The following BPI variants were observed in gnomAD, a reference collection of about 807,000 sequenced individuals.
BPI encodes the protein bactericidal permeability increasing protein.
Under a neutral mutation model 57.6 loss-of-function variants are expected in BPI, and 48 were observed. The ratio of observed to expected loss-of-function variants is 0.83; its 90% CI spans 0.66 to 1.06. BPI has a LOEUF of 1.06. Among genes scored for constraint, BPI ranks in the 50% least tolerant of loss-of-function variants. BPI has a pLI of 0.00. For missense variants in BPI, 651 were observed against 609.7 expected (o/e 1.07, Z -0.71); for synonymous variants, 237 against 238.2 (o/e 0.99, Z 0.05).
At chr20:38,335,494 C>G in intron 13 of BPI, 104 bp from the exon 14 acceptor site, 1 of 1,027,000 alleles carries the variant, frequency 9.7e-7, no homozygotes, top group Non-Finnish European at 1.5e-6. Flanking sequence ...TAGGGCCAGG[C>G]ATGCTGGTTC....
At chr20:38,306,459 C>A (rs369894942) in intron 1 of BPI, among the ~76,000 whole-genome samples, 25 of 152,314 alleles carry the variant, frequency 1.6e-4, no homozygotes, top group African/African-American at 5.5e-4. Context: ...GAGAGACATT[C>A]GTCAGAGTCA....
chr20:38,330,184 T>A (rs2076735291), intron 11 of BPI, among the ~76,000 whole-genome samples: 1 of 152,072 alleles, frequency 6.6e-6, no homozygotes, highest in South Asian at 2.1e-4. Context: ...TGAGCTGTGA[T>A]TTTGCTGTGT....
intron 6 of BPI, among the ~76,000 whole-genome samples, chr20:38,318,919 T>G (rs1236153680): frequency 1.3e-5 from 2 of 152,118 alleles, no homozygotes; most frequent in African/African-American, 2.4e-5. Context: ...AACACTCCCC[T>G]GAGAGAGGCA....
At chr20:38,326,795 A>G (rs914269101) in intron 10 of BPI, among the ~76,000 whole-genome samples, 1 of 152,132 alleles carries the variant, frequency 6.6e-6, no homozygotes, top group Admixed American at 6.5e-5. Flanking sequence ...TTATTAATTC[A>G]TTCAGTTATT....
At chr20:38,329,572 G>A (rs1238151489) in intron 11 of BPI, among the ~76,000 whole-genome samples, 2 of 152,182 alleles carry the variant, frequency 1.3e-5, no homozygotes, top group East Asian at 3.9e-4. Flanking sequence ...GCAGGGGATG[G>A]GGATAGGGTA....
rs769068967 is a variant in BPI, at chr20:38,324,770, A to G, written c.934-4A>G. On this transcript the variant is annotated splice_polypyrimidine_tract_variant and splice_region_variant and intron_variant, in intron 8 of 14. Transcript: ENST00000642449. ...CGAGATCCTTTTCTCATCTCTTGCT[A>G]CAGATTCCAAAGGAGTCCAAATTTC... The G allele has an allele frequency of 2.5e-6, 4 of 1,609,530 alleles. No individual in the cohort carries two copies. Among genetic ancestry groups the G allele is most frequent in the Non-Finnish European group, 3.4e-6 (4 of 1,175,964 alleles).
intron 11 of BPI, 149 bp from the exon 12 acceptor site, chr20:38,330,899 T>A: frequency 1.2e-6 from 1 of 846,746 alleles, no homozygotes; most frequent in East Asian, 2.5e-5. Context: ...AAAGGCAACA[T>A]CGGGGGGCTG....
intron 5 of BPI, chr20:38,317,554 G>A: frequency 1.5e-6 from 1 of 675,298 alleles, no homozygotes; most frequent in East Asian, 2.7e-5. Context: ...GTAGCATTGA[G>A]TGGGTTCTGC....
intron 5 of BPI, among the ~76,000 whole-genome samples, chr20:38,314,418 A>T (rs2076639835): frequency 7.2e-6 from 1 of 138,486 alleles, no homozygotes; most frequent in African/African-American, 2.7e-5. Flanking sequence ...GGGGATGATG[A>T]TGATGATGGT....
In BPI at chr20:38,324,843, A is replaced by T; in HGVS notation, c.993+10A>T. The T allele has an allele frequency of 6.2e-7, 1 of 1,608,820 alleles. No individual in the cohort carries two copies. The highest frequency in any genetic ancestry group is 1.1e-5 in the South Asian group (1 of 90,954). The stretch of plus-strand genomic sequence containing the variant: ...AACCTTCCTACCTGAGGTATGGAAG[A>T]CCTTGCTTTCCTTTAGTGAGCCCCG... On this transcript the variant is annotated intron_variant, in intron 9 of 14. Coordinates refer to ENST00000642449, the MANE Select transcript of BPI (RefSeq NM_001725.3).
chr20:38,313,750 G>A (rs1177753564), intron 5 of BPI, among the ~76,000 whole-genome samples: 4 of 151,644 alleles, frequency 2.6e-5, no homozygotes, highest in Non-Finnish European at 5.9e-5. Context: ...GGATGATAAT[G>A]GTGATGGTGA....
chr20:38,335,959 G>C (rs979451046), intron 14 of BPI, among the ~76,000 whole-genome samples: 5 of 152,180 alleles, frequency 3.3e-5, no homozygotes, highest in African/African-American at 1.2e-4. Flanking sequence ...GTGGGCCAAA[G>C]AGCCTCTTTT....
At chr20:38,334,162 G>C (rs191339275) in intron 12 of BPI, among the ~76,000 whole-genome samples, 1 of 152,164 alleles carries the variant, frequency 6.6e-6, no homozygotes, top group East Asian at 1.9e-4. Context: ...CATGATTGTC[G>C]TGAGTTGTAA....
chr20:38,313,914 GATA>G (rs1051055951), intron 5 of BPI, among the ~76,000 whole-genome samples: 13 of 151,400 alleles, frequency 8.6e-5, no homozygotes, highest in Non-Finnish European at 1.6e-4. Context: ...TTCTGAGGAT[GATA>G]ATGATGATGG....
chr20:38,333,574 T>G (rs1387243083), intron 12 of BPI, among the ~76,000 whole-genome samples: 4 of 151,928 alleles, frequency 2.6e-5, no homozygotes, highest in African/African-American at 4.8e-5. Context: ...GCTATGCCTA[T>G]TTAATTAAAA....
chr20:38,318,157 C>A (rs1448674588), intron 5 of BPI, among the ~76,000 whole-genome samples: 1 of 151,710 alleles, frequency 6.6e-6, no homozygotes, highest in South Asian at 2.1e-4. Flanking sequence ...AAAACATAAA[C>A]CCTCATCAGT....
At chr20:38,310,816 A>C (rs1202979611) in intron 4 of BPI, among the ~76,000 whole-genome samples, 164 bp downstream of exon 4, 1 of 152,220 alleles carries the variant, frequency 6.6e-6, no homozygotes, top group East Asian at 1.9e-4. Context: ...TGAACCAGAC[A>C]CTGTCTCTTT....
At chr20:38,318,794 T>C (rs1349905031) in intron 6 of BPI, among the ~76,000 whole-genome samples, 1 of 152,192 alleles carries the variant, frequency 6.6e-6, no homozygotes, top group African/African-American at 2.4e-5. Context: ...CACTTCTTTT[T>C]GGATCTCAGT....
chr20:38,320,310 C>T, intron 7 of BPI, 36 bp downstream of exon 7: 8 of 1,588,662 alleles, frequency 5.0e-6, no homozygotes, highest in Non-Finnish European at 6.9e-6. Context: ...ACCCTCACAC[C>T]TCTGTCTCAG....
Sources: gnomAD v4.1 joint callset for allele counts (sites outside exome capture counted in the v4.1 genomes callset) on GRCh38, gnomAD v4.1.1 for gene constraint, MANE v1.5 for transcripts, NCBI Gene and HGNC (gene_info 2026-07-23, HGNC 2026-07-21) for gene names.